Variants in CSRNP3 observed in about 807,000 individuals in gnomAD.
CSRNP3 encodes the protein cysteine and serine rich nuclear protein 3.
A neutral mutation model predicts 48.0 loss-of-function variants in CSRNP3; 12 were observed. The observed-to-expected ratio is 0.25, with a 90% CI of 0.16 to 0.41. The LOEUF is 0.41. CSRNP3 is among the 10% of genes least tolerant of loss of function. The probability of loss-of-function intolerance (pLI) is 1.00; values close to 1 mark genes in which losing one functional copy is unlikely to be tolerated. For missense variants in CSRNP3, 580 were observed against 724.4 expected (o/e 0.80, Z 2.29); for synonymous variants, 263 against 269.7 (o/e 0.98, Z 0.24).
chr2:165,639,572 C>T (rs943773530), intron 4 of CSRNP3, among the ~76,000 whole-genome samples: 3 of 152,082 alleles, frequency 2.0e-5, no homozygotes, highest in East Asian at 1.9e-4. Context: ...CTTTAAATCC[C>T]GTGATTTTGA....
intron 4 of CSRNP3, among the ~76,000 whole-genome samples, chr2:165,654,727 T>G (rs746474487): frequency 1.3e-5 from 2 of 152,248 alleles, no homozygotes; most frequent in Non-Finnish European, 2.9e-5. Context: ...CCTCTCAGGT[T>G]CCAGCAATTC....
intron 4 of CSRNP3, among the ~76,000 whole-genome samples, chr2:165,611,379 G>GTGTGTATA (rs56146559): frequency 1.6e-3 from 240 of 151,062 alleles, no homozygotes; most frequent in Non-Finnish European, 1.6e-3. Context: ...GTGTGTGTGT[G>GTGTGTATA]TATATACATA....
At chr2:165,675,684 G>C (rs756255789) in intron 5 of CSRNP3, among the ~76,000 whole-genome samples, 1 of 152,184 alleles carries the variant, frequency 6.6e-6, no homozygotes, top group Non-Finnish European at 1.5e-5. Context: ...GAGCTTGAGG[G>C]CCCTGCCCTC....
intron 1 of CSRNP3, among the ~76,000 whole-genome samples, chr2:165,484,310 C>G (rs566204589): frequency 6.6e-6 from 1 of 152,084 alleles, no homozygotes; most frequent in Admixed American, 6.6e-5. Context: ...CCAGGCTGGT[C>G]TCAAACTCCT....
intron 5 of CSRNP3, among the ~76,000 whole-genome samples, chr2:165,672,966 C>T (rs1462772394): frequency 6.6e-6 from 1 of 151,906 alleles, no homozygotes; most frequent in Non-Finnish European, 1.5e-5. Context: ...GGCCAGTGAC[C>T]AGCCTAAGCT....
At chr2:165,550,282 A>T (rs781464556) in intron 3 of CSRNP3, among the ~76,000 whole-genome samples, 85 of 152,232 alleles carry the variant, frequency 5.6e-4, no homozygotes, top group Non-Finnish European at 9.1e-4. Flanking sequence ...TTGATATTGT[A>T]GAATATTATT....
rs76087462 is a variant in CSRNP3 at position 165,612,004 on chromosome 2, A to G, written c.148+16791A>G. Among the ~76,000 whole-genome samples, 118 of 152,246 alleles carry G rather than the reference A, an allele frequency of 7.8e-4. No individual in the cohort carries two copies. In the East Asian group the frequency reaches 0.014, roughly 18 times the overall value. On this transcript the variant is annotated intron_variant, in intron 4 of 6. Coordinates refer to ENST00000651982, the MANE Select transcript of CSRNP3 (RefSeq NM_001172173.2). The stretch of plus-strand genomic sequence containing the variant: ...TTTATAGTGCCCCAAAAGTAAAAAC[A>G]TTTATAATTTAACACATTTGCTCTT...
intron 3 of CSRNP3, among the ~76,000 whole-genome samples, chr2:165,561,532 T>G (rs1685233157): frequency 6.6e-6 from 1 of 152,132 alleles, no homozygotes. Context: ...CATTGGTAAT[T>G]TATTCACTGA....
chr2:165,617,765 C>G (rs1686273377), intron 4 of CSRNP3, among the ~76,000 whole-genome samples: 2 of 152,170 alleles, frequency 1.3e-5, no homozygotes, highest in Non-Finnish European at 2.9e-5. Context: ...GCTCTGTTAG[C>G]CCATTCTTCA....
intron 3 of CSRNP3, among the ~76,000 whole-genome samples, chr2:165,566,517 T>G (rs1685300043): frequency 6.6e-6 from 1 of 151,740 alleles, no homozygotes; most frequent in Non-Finnish European, 1.5e-5. Context: ...ATAGTAAAAG[T>G]AGCTACCTCA....
intron 2 of CSRNP3, among the ~76,000 whole-genome samples, chr2:165,516,188 G>T (rs1302841889): frequency 1.3e-5 from 2 of 152,044 alleles, no homozygotes; most frequent in African/African-American, 2.4e-5. Flanking sequence ...CTGCTTGCTT[G>T]TTGGTTTTTA....
chr2:165,683,761 C>T lies in CSRNP3; in HGVS notation c.*4008C>T, dbSNP rs568743418. ...TTAATGAAGGGTGGCATGAAATAATCAAGCTTTCTCAAATCCTCTTAATAT... is the reference window on the plus strand; with the variant it reads ...TTAATGAAGGGTGGCATGAAATAATTAAGCTTTCTCAAATCCTCTTAATAT... On this transcript the variant is annotated 3_prime_UTR_variant, in exon 7 of 7. Transcript: ENST00000651982. 1 of 152,166 alleles carries T rather than the reference C, an allele frequency of 6.6e-6. No homozygotes were observed. The highest frequency in any genetic ancestry group is 1.9e-4 in the East Asian group (1 of 5,172). The allele number at this position is 152,166 out of a possible 1,614,324, so 9.4% of individuals were successfully genotyped here. A position where few individuals can be genotyped will look rare whatever the true frequency, so the allele number is the denominator to read the frequency against.
chr2:165,517,428 A>G (rs1684596447), intron 2 of CSRNP3, among the ~76,000 whole-genome samples: 1 of 151,924 alleles, frequency 6.6e-6, no homozygotes, highest in Non-Finnish European at 1.5e-5. Context: ...ACAAATCAAG[A>G]ACTCTAACAA....
chr2:165,584,362 C>G (rs1685594298), intron 3 of CSRNP3, among the ~76,000 whole-genome samples: 1 of 152,184 alleles, frequency 6.6e-6, no homozygotes, highest in Admixed American at 6.5e-5. Context: ...GACACAACTT[C>G]TCTGCTGGGT....
At chr2:165,611,871 A>G (rs1573917939) in intron 4 of CSRNP3, among the ~76,000 whole-genome samples, 1 of 152,086 alleles carries the variant, frequency 6.6e-6, no homozygotes, top group Non-Finnish European at 1.5e-5. Flanking sequence ...ATAATTCTTA[A>G]TCTAACTTGA....
At chr2:165,562,633 T>C (rs1470788656) in intron 3 of CSRNP3, among the ~76,000 whole-genome samples, 1 of 152,208 alleles carries the variant, frequency 6.6e-6, no homozygotes, top group East Asian at 1.9e-4. Flanking sequence ...AAAGCTTGTG[T>C]CCACTTTATG....
At chr2:165,599,578 A>G (rs1431315440) in intron 4 of CSRNP3, among the ~76,000 whole-genome samples, 1 of 152,192 alleles carries the variant, frequency 6.6e-6, no homozygotes, top group Non-Finnish European at 1.5e-5. Context: ...GGCAAGAGCC[A>G]CCATGCCCAT....
intron 3 of CSRNP3, among the ~76,000 whole-genome samples, chr2:165,524,272 T>G (rs955483290): frequency 3.9e-5 from 6 of 152,084 alleles, no homozygotes; most frequent in African/African-American, 1.4e-4. Flanking sequence ...AAACAATTCT[T>G]TAACTACTTG....
intron 4 of CSRNP3, among the ~76,000 whole-genome samples, chr2:165,627,940 A>G (rs948978867): frequency 7.9e-5 from 12 of 152,346 alleles, no homozygotes; most frequent in African/African-American, 2.9e-4. Context: ...TTTTCTCTCC[A>G]GTGCCCTGCT....
Sources: allele counts gnomAD v4.1 joint callset (sites outside exome capture counted in the v4.1 genomes callset), GRCh38; gene constraint gnomAD v4.1.1; transcripts MANE v1.5; gene names NCBI Gene and HGNC (gene_info 2026-07-23, HGNC 2026-07-21).